Variants in ANKRD24 observed in about 807,000 individuals in gnomAD.
The protein encoded by ANKRD24 is ankyrin repeat domain 24.
Under a neutral mutation model 127.8 loss-of-function variants are expected in ANKRD24, and 109 were observed. The observed-to-expected ratio is 0.85, with a 90% CI of 0.73 to 1.00. The LOEUF is 1.00. Ranked by LOEUF, ANKRD24 falls within the 50% of genes least tolerant of loss-of-function variation. The pLI, the probability that ANKRD24 is intolerant of heterozygous loss-of-function variation, is 0.00. For missense variants in ANKRD24, 1,648 were observed against 1,570.2 expected, an observed-to-expected ratio of 1.05 and a Z score of -0.84; for synonymous variants, 743 against 671.1, an observed-to-expected ratio of 1.11 and a Z score of -1.66.
intron 21 of ANKRD24, 92 bp from the exon 22 acceptor site, chr19:4,224,336 T>C (rs967184310): frequency 1.4e-6 from 2 of 1,476,162 alleles, no homozygotes; most frequent in Non-Finnish European, 9.3e-7. Flanking sequence ...TGCATTTCCC[T>C]CCTGGCTGGC....
chr19:4,207,333 C>T, intron 8 of ANKRD24, 21 bp downstream of exon 8: 3 of 1,611,098 alleles, frequency 1.9e-6, no homozygotes, highest in Non-Finnish European at 2.5e-6. Flanking sequence ...GGGATCTCTT[C>T]AGGGAAGATG....
At chr19:4,202,350 C>A (rs1315274533) in intron 6 of ANKRD24, among the ~76,000 whole-genome samples, 1 of 152,032 alleles carries the variant, frequency 6.6e-6, no homozygotes. Flanking sequence ...GGTGAAATCG[C>A]CTGAGGTCAG....
chr19:4,196,746 A>G (rs912409105), intron 2 of ANKRD24, among the ~76,000 whole-genome samples: 2 of 152,174 alleles, frequency 1.3e-5, no homozygotes, highest in Non-Finnish European at 2.9e-5. Flanking sequence ...CAGGCCTGCG[A>G]ATGCTGCGTG....
At chr19:4,207,141 C>T (rs1415138424) in intron 7 of ANKRD24, 101 bp from the exon 8 acceptor site, 2 of 874,924 alleles carry the variant, frequency 2.3e-6, no homozygotes, top group Non-Finnish European at 3.6e-6. Context: ...CCAGGTTGGT[C>T]TCAAACTCCA....
At position 4,202,016 on chromosome 19, in the gene ANKRD24, C is replaced by G; in HGVS notation, c.344-10C>G. Reference sequence around the variant, plus strand: ...GCTGGAGCTCCAGTAAATCTTCTTTCCTTCCCCAGGTTACAATGCCCTCCA... The same window carrying G: ...GCTGGAGCTCCAGTAAATCTTCTTTGCTTCCCCAGGTTACAATGCCCTCCA... On this transcript the variant is annotated splice_polypyrimidine_tract_variant and intron_variant, in intron 5 of 21. Transcript: ENST00000318934. 1 of 1,613,738 alleles carries G rather than the reference C, an allele frequency of 6.2e-7. No homozygotes were observed. The highest frequency in any genetic ancestry group is 8.5e-7 in the Non-Finnish European group (1 of 1,179,718).
chr19:4,210,251 G>T lies in ANKRD24; in HGVS notation c.952-14G>T, dbSNP rs777978861. 5 of 1,573,038 alleles carry T rather than the reference G, an allele frequency of 3.2e-6. No individual in the cohort carries two copies. The South Asian group carries it at 4.7e-5, about 15-fold the overall frequency. On this transcript the variant is annotated splice_polypyrimidine_tract_variant and intron_variant, in intron 12 of 21. Transcript: ENST00000318934. ...TTAGGCCCCATCTAAAGGCCGTGGTGGGGAGGGGAACAGGATGATCGAGAT... is the reference window on the plus strand; with the variant it reads ...TTAGGCCCCATCTAAAGGCCGTGGTTGGGAGGGGAACAGGATGATCGAGAT...
At chr19:4,188,284 C>G (rs1968180653) in intron 2 of ANKRD24, among the ~76,000 whole-genome samples, 1 of 151,858 alleles carries the variant, frequency 6.6e-6, no homozygotes, top group Non-Finnish European at 1.5e-5. Flanking sequence ...ACCATGTTGG[C>G]CAGGCCGGTC....
At position 4,182,745 on chromosome 19, in the gene ANKRD24, T is replaced by C; in HGVS notation, c.-37+5T>C. On this transcript the variant is annotated splice_donor_5th_base_variant and intron_variant, in intron 1 of 21. Transcript: ENST00000318934. ...AGCCTGCCTCTTTGCATGCAGGTGT[T>C]TGCGGGGCTTGGGAAGGGGCTCCCC... 1 of 1,391,136 alleles carries C rather than the reference T, an allele frequency of 7.2e-7. No homozygotes were observed. The highest frequency in any genetic ancestry group is 9.3e-7 in the Non-Finnish European group (1 of 1,070,916). 86.2% of individuals were successfully genotyped at this position (1,391,136 alleles called of 1,614,324 possible).
chr19:4,210,152 T>C lies in ANKRD24; in HGVS notation c.951+14T>C. 1 of 1,598,746 alleles carries C rather than the reference T, an allele frequency of 6.3e-7. No homozygotes were observed. ...ATTCCCATGCCGGTGAGAGATGCTC[T>C]GGGCACGGGAGGAGGCATGGGGAGC... On this transcript the variant is annotated intron_variant, in intron 12 of 21. Transcript: ENST00000318934.
chr19:4,216,251 G>A, intron 16 of ANKRD24, 33 bp from the exon 17 acceptor site: 1 of 1,543,888 alleles, frequency 6.5e-7, no homozygotes, highest in South Asian at 1.2e-5. Context: ...TGTGGCCCAG[G>A]TCCCCAGGGC....
intron 2 of ANKRD24, among the ~76,000 whole-genome samples, chr19:4,190,326 T>C (rs1046786356): frequency 6.6e-5 from 10 of 151,438 alleles, no homozygotes; most frequent in Non-Finnish European, 1.3e-4. Flanking sequence ...TCCCAGCTAC[T>C]CGGGAGGCTG....
rs944238589 is a variant in ANKRD24, at chr19:4,217,181, C to G, written c.2021C>G (p.Ala674Gly). The change falls in exon 18 of 22, where the codon GCC becomes GGC. Residue 674 changes from alanine (A) to glycine (G), a missense_variant. By Grantham distance (60) the Ala-to-Gly change is moderately conservative. Transcript: ENST00000318934. ...PPVTGTTNME[A>G]TGSRATGMES... ...GTCACAGGGACCACAAACATGGAGG[C>G]CACGGGCTCTAGGGCCACAGGGATG... The G allele has an allele frequency of 4.3e-6, 7 of 1,610,682 alleles. No homozygotes were observed. Among genetic ancestry groups the G allele is most frequent in the Non-Finnish European group, 5.9e-6 (7 of 1,177,940 alleles).
At position 4,204,900 on chromosome 19, in the gene ANKRD24, G is replaced by A. The variant is rs186482797; in HGVS notation, c.466+1974G>A. Among the ~76,000 whole-genome samples the A allele has an allele frequency of 1.1e-3, 166 of 152,200 alleles. 1 individual carries two copies. Among genetic ancestry groups the A allele is most frequent in the African/African-American group, 2.2e-3 (90 of 41,540 alleles). ...GCAGATTAGCAGAGGTCAGGAGTTC[G>A]AGAATAGCCTGGCCAACATGGTGAA... On this transcript the variant is annotated intron_variant, in intron 7 of 21. Transcript: ENST00000318934.
intron 2 of ANKRD24, among the ~76,000 whole-genome samples, chr19:4,190,372 C>T (rs1276848608): frequency 2.7e-5 from 4 of 148,670 alleles, no homozygotes; most frequent in East Asian, 2.0e-4. Context: ...TGCAGTGAGC[C>T]GAGATGGAGC....
At chr19:4,213,760 G>A (rs1294205438) in intron 15 of ANKRD24, among the ~76,000 whole-genome samples, 2 of 152,064 alleles carry the variant, frequency 1.3e-5, no homozygotes, top group African/African-American at 2.4e-5. Context: ...GCAGCCTCCC[G>A]AGTAGCTGGG....
At chr19:4,224,303 TG>T in intron 21 of ANKRD24, 111 bp downstream of exon 21, 1 of 1,420,470 alleles carries the variant, frequency 7.0e-7, no homozygotes, top group Non-Finnish European at 9.7e-7. Flanking sequence ...GAGAGGTTCG[TG>T]GCATGTGGGA....
intron 2 of ANKRD24, among the ~76,000 whole-genome samples, chr19:4,189,944 T>C (rs971125970): frequency 1.3e-5 from 2 of 151,922 alleles, no homozygotes; most frequent in African/African-American, 4.8e-5. Flanking sequence ...AGTGCATTGA[T>C]TGAAAAGAGA....
At position 4,212,457 on chromosome 19, in the gene ANKRD24, C is replaced by A. The variant is rs3745987; in HGVS notation, c.1060-18C>A. 1.3e-6 allele frequency: 2 copies of A among 1,574,360 alleles called. No homozygotes were observed. The highest frequency in any genetic ancestry group is 1.4e-5 in the African/African-American group (1 of 73,948). ...CTCTTGCCCAGATCCAAACCCCTGT[C>A]CCTGTTTCTCCCGTCAGTCCCCGGA... On this transcript the variant is annotated intron_variant, in intron 13 of 21. Transcript: ENST00000318934.
intron 2 of ANKRD24, among the ~76,000 whole-genome samples, chr19:4,190,600 GTGGGCAC>G (rs1380946850): frequency 6.6e-6 from 1 of 152,090 alleles, no homozygotes; most frequent in African/African-American, 2.4e-5. Flanking sequence ...GGGCATGGTG[GTGGGCAC>G]CTGTAATCCC....
Sources: allele counts gnomAD v4.1 joint callset (sites outside exome capture counted in the v4.1 genomes callset), GRCh38; gene constraint gnomAD v4.1.1; transcripts MANE v1.5; gene names NCBI Gene and HGNC (gene_info 2026-07-23, HGNC 2026-07-21).